Variants in NRG2 observed in about 807,000 individuals in gnomAD.
NRG2 encodes pro-neuregulin-2, membrane-bound isoform.
Under a neutral mutation model 73.9 loss-of-function variants are expected in NRG2, and 27 were observed. The ratio of observed to expected loss-of-function variants is 0.37; its 90% CI spans 0.27 to 0.50. NRG2 has a LOEUF of 0.50. NRG2 is among the 20% of genes least tolerant of loss of function. The probability of loss-of-function intolerance (pLI) is 0.96; values close to 1 mark genes in which losing one functional copy is unlikely to be tolerated. For missense variants in NRG2, 1,126 were observed against 1,210.1 expected, an observed-to-expected ratio of 0.93 and a Z score of 1.03; for synonymous variants, 532 against 541.0, an observed-to-expected ratio of 0.98 and a Z score of 0.23.
intron 1 of NRG2, among the ~76,000 whole-genome samples, chr5:139,987,497 C>T (rs1757259091): frequency 6.6e-6 from 1 of 151,906 alleles, no homozygotes; most frequent in Non-Finnish European, 1.5e-5. Flanking sequence ...GAAGTAAATG[C>T]TCTAACTGGG....
chr5:139,972,686 T>C (rs1756064241), intron 1 of NRG2, among the ~76,000 whole-genome samples: 1 of 152,204 alleles, frequency 6.6e-6, no homozygotes, highest in South Asian at 2.1e-4. Flanking sequence ...ATTGCACTAC[T>C]GCACTTCAGC....
intron 9 of NRG2, among the ~76,000 whole-genome samples, chr5:139,849,386 C>T (rs1469612671): frequency 2.0e-5 from 3 of 152,188 alleles, no homozygotes; most frequent in Non-Finnish European, 4.4e-5. Flanking sequence ...GGAAATATTC[C>T]TCCTTACAGT....
chr5:139,933,013 G>A (rs749147274), intron 1 of NRG2, among the ~76,000 whole-genome samples: 7 of 152,210 alleles, frequency 4.6e-5, no homozygotes, highest in Non-Finnish European at 8.8e-5. Flanking sequence ...GGTGGCTCAC[G>A]CCTGTAAGCC....
In NRG2 at chr5:139,865,014, CT is replaced by C. The variant is rs1203464492; in HGVS notation, c.1189+534del. On this transcript the variant is annotated intron_variant, in intron 5 of 9. Transcript: ENST00000361474. The surrounding 1 kb of genome is among the most constrained non-coding windows in gnomAD (Gnocchi z 5.2). Reference sequence around the variant, plus strand: ...TCTCCTCTAAGGAGCGCAGGACACCCTCTACATCTCCCCCTAGTCTTGCTAA... The same window carrying C: ...TCTCCTCTAAGGAGCGCAGGACACCCCTACATCTCCCCCTAGTCTTGCTAA... 1 of 1,010,488 alleles carries C rather than the reference CT, an allele frequency of 9.9e-7. No homozygotes were observed. Among genetic ancestry groups the C allele is most frequent in the Non-Finnish European group, 1.6e-6 (1 of 631,800 alleles). 62.6% of individuals were successfully genotyped at this position (1,010,488 alleles called of 1,614,324 possible).
intron 3 of NRG2, among the ~76,000 whole-genome samples, chr5:139,876,755 G>T (rs1458040204): frequency 6.6e-6 from 1 of 152,024 alleles, no homozygotes; most frequent in Non-Finnish European, 1.5e-5. Context: ...TTGATAAATT[G>T]CCTACCTTCC....
chr5:140,006,509 T>G (rs979589858), intron 1 of NRG2, among the ~76,000 whole-genome samples: 6 of 152,216 alleles, frequency 3.9e-5, no homozygotes, highest in Admixed American at 2.0e-4. Context: ...TCATTCAGTA[T>G]TATCTCTAGT....
intron 4 of NRG2, among the ~76,000 whole-genome samples, chr5:139,866,888 C>T (rs1400809849): frequency 8.5e-5 from 13 of 152,170 alleles, no homozygotes; most frequent in Admixed American, 1.3e-4. Context: ...CTTCTGAACC[C>T]CGGCAAGGCT....
At chr5:140,023,811 GTTCT>G (rs1292786420) in intron 1 of NRG2, among the ~76,000 whole-genome samples, 3 of 152,268 alleles carry the variant, frequency 2.0e-5, no homozygotes, top group Non-Finnish European at 4.4e-5. Context: ...CAAAAAGCCT[GTTCT>G]TTCTGTTGAC....
chr5:139,967,980 A>AATAAATAC (rs1399229391), intron 1 of NRG2, among the ~76,000 whole-genome samples: 5 of 148,700 alleles, frequency 3.4e-5, no homozygotes, highest in African/African-American at 1.2e-4. Flanking sequence ...CATAAAAATA[A>AATAAATAC]ATAAATAAAT....
At chr5:139,942,494 C>G (rs1418289005) in intron 1 of NRG2, among the ~76,000 whole-genome samples, 1 of 152,134 alleles carries the variant, frequency 6.6e-6, no homozygotes. Context: ...TATTCTCATC[C>G]GTAGTTATTC....
At chr5:139,902,211 A>T (rs886388280) in intron 1 of NRG2, among the ~76,000 whole-genome samples, 6 of 152,152 alleles carry the variant, frequency 3.9e-5, no homozygotes, top group African/African-American at 1.4e-4. Context: ...GAAATGGGGG[A>T]TGGGGGAGAC....
At chr5:139,996,350 G>GCT (rs1758011839) in intron 1 of NRG2, among the ~76,000 whole-genome samples, 1 of 152,160 alleles carries the variant, frequency 6.6e-6, no homozygotes, top group Non-Finnish European at 1.5e-5. Flanking sequence ...GGGAATACGG[G>GCT]AGACCACAGT....
At chr5:139,900,983 C>G (rs1280590225) in intron 1 of NRG2, among the ~76,000 whole-genome samples, 1 of 152,262 alleles carries the variant, frequency 6.6e-6, no homozygotes, top group Non-Finnish European at 1.5e-5. Flanking sequence ...GGGCCTAGGT[C>G]TCCACCTAGG....
rs541057457 is a variant in NRG2 at position 139,904,177 on chromosome 5, C to G, written c.701-16666G>C. ...ACCCGCTCGCACGCAGGCACGCGCG[C>G]CCTCGGTGCCTGTCACCGCGGCGGC... On this transcript the variant is annotated intron_variant, in intron 1 of 9. Coordinates refer to ENST00000361474, the MANE Select transcript of NRG2 (RefSeq NM_004883.3). The surrounding 1 kb of genome is among the most constrained non-coding windows in gnomAD (Gnocchi z 6.0). The G allele has an allele frequency of 3.0e-4, 271 of 908,028 alleles. 3 individuals are homozygous for G. In the African/African-American group the frequency reaches 4.4e-3, roughly 15 times the overall value. 56.2% of individuals were successfully genotyped at this position (908,028 alleles called of 1,614,324 possible).
At position 139,851,254 on chromosome 5, in the gene NRG2, T is replaced by C. The variant is rs1413501644; in HGVS notation, c.1772+350A>G. Among the ~76,000 whole-genome samples the C allele has an allele frequency of 6.6e-6, 1 of 152,234 alleles. No individual in the cohort carries two copies. Among genetic ancestry groups the C allele is most frequent in the African/African-American group, 2.4e-5 (1 of 41,464 alleles). On this transcript the variant is annotated intron_variant, in intron 9 of 9. Coordinates refer to ENST00000361474, the MANE Select transcript of NRG2 (RefSeq NM_004883.3). This position sits in a 1 kb window ranked among gnomAD's most constrained non-coding sequence, Gnocchi z 4.2. ...CCATCCGCCTTGGCCTCCCAAGTGC[T>C]GGGATTACAGGTGTGAGCCACCGCG... is the stretch of plus-strand genomic sequence containing the variant.
chr5:139,882,704 C>T (rs989135989), intron 2 of NRG2, among the ~76,000 whole-genome samples: 7 of 151,816 alleles, frequency 4.6e-5, no homozygotes, highest in Admixed American at 1.3e-4. Context: ...CCTGAGGGTC[C>T]GGGGGTGGGG....
intron 1 of NRG2, among the ~76,000 whole-genome samples, chr5:139,913,272 C>T (rs1356576808): frequency 2.0e-5 from 3 of 152,152 alleles, no homozygotes; most frequent in Admixed American, 6.5e-5. Context: ...CCCCTGTATC[C>T]GTTTCTTATA....
At position 139,865,666 on chromosome 5, in the gene NRG2, A is replaced by G. The variant is rs1402645733; in HGVS notation, c.1113-41T>C. On this transcript the variant is annotated intron_variant, in intron 4 of 9. Coordinates refer to ENST00000361474, the MANE Select transcript of NRG2 (RefSeq NM_004883.3). This position sits in a 1 kb window ranked among gnomAD's most constrained non-coding sequence, Gnocchi z 5.2. ...GGGAAAAATCACAGAACAAACTGGC[A>G]TCATCCGCGAGGCTAAGGTTAGAAA... 6.5e-7 allele frequency: 1 copy of G among 1,535,066 alleles called. No individual in the cohort carries two copies. Among genetic ancestry groups the G allele is most frequent in the Non-Finnish European group, 8.9e-7 (1 of 1,120,240 alleles).
chr5:139,883,159 C>T (rs1017993043), intron 2 of NRG2, among the ~76,000 whole-genome samples: 17 of 152,202 alleles, frequency 1.1e-4, no homozygotes, highest in African/African-American at 3.4e-4. Flanking sequence ...TGGCAGGCCG[C>T]GTGCTGTGCT....
Sources: allele counts gnomAD v4.1 joint callset (sites outside exome capture counted in the v4.1 genomes callset), GRCh38; gene constraint gnomAD v4.1.1; non-coding constraint Gnocchi (gnomAD v3.1); transcripts MANE v1.5; gene names NCBI Gene and HGNC (gene_info 2026-07-23, HGNC 2026-07-21).